The following COX14 variants were observed in gnomAD, a reference collection of about 807,000 sequenced individuals.
COX14 encodes cytochrome c oxidase assembly factor COX14, also known as cytochrome c oxidase assembly protein COX14.
COX14 carries 3 observed loss-of-function variants against 5.8 expected under a neutral mutation model. The ratio of observed to expected loss-of-function variants is 0.51; its 90% CI spans 0.23 to 1.33. The LOEUF is 1.33. COX14 is among the 40% of genes most tolerant of loss of function. The probability of loss-of-function intolerance (pLI) is 0.18; values close to 1 mark genes in which losing one functional copy is unlikely to be tolerated. For synonymous variants in COX14, 25 were observed against 26.1 expected (o/e 0.96, Z 0.13); for missense variants, 72 against 72.1 (o/e 1.00, Z 0.01).
At position 50,120,024 on chromosome 12, in the gene COX14, C is replaced by A; in HGVS notation, c.-8-12C>A. The A allele has an allele frequency of 6.2e-7, 1 of 1,611,716 alleles. No homozygotes were observed. Among genetic ancestry groups the A allele is most frequent in the Non-Finnish European group, 8.5e-7 (1 of 1,177,848 alleles). On this transcript the variant is annotated splice_polypyrimidine_tract_variant and intron_variant, in intron 1 of 1. Transcript: ENST00000550487. ...CCTTATCCTCAGGTCTAAATTCAAT[C>A]TGTCTTTGTAGGGGACAAGATGCCA...
rs200930245 is a variant in COX14, at chr12:50,117,012, T to C, written c.-8-3024T>C. On this transcript the variant is annotated intron_variant, in intron 1 of 1. Transcript: ENST00000550487. ...AGCGAATCCTGAGCTTTACTTTCAA[T>C]TTTTTTTTGTTTTTTGAGACAGGGT... Among the ~76,000 whole-genome samples the C allele has an allele frequency of 1.5e-4, 23 of 151,474 alleles. No individual in the cohort carries two copies. The East Asian group carries it at 3.9e-3, about 26-fold the overall frequency.
At position 50,112,475 on chromosome 12, in the gene COX14, G is replaced by T. The variant is rs1269559776; in HGVS notation, c.-9+174G>T. ...GCGAGCTGCACTGCTTCCTGCCCAA[G>T]CCCAAGCTCCTCGCAGCAGTAGGTC... is the stretch of plus-strand genomic sequence containing the variant. On this transcript the variant is annotated intron_variant, in intron 1 of 1. Transcript: ENST00000550487. The T allele has an allele frequency of 6.1e-6, 6 of 985,788 alleles. No homozygotes were observed. In the East Asian group the frequency reaches 5.7e-4, roughly 93 times the overall value. 61.1% of individuals were successfully genotyped at this position (985,788 alleles called of 1,614,324 possible).
At chr12:50,118,261 G>A (rs1951100529) in intron 1 of COX14, among the ~76,000 whole-genome samples, 1 of 133,594 alleles carries the variant, frequency 7.5e-6, no homozygotes, top group African/African-American at 2.8e-5. Flanking sequence ...TTGCCAGGCT[G>A]GTCTCGAACT....
chr12:50,114,550 C>T (rs1377471315), intron 1 of COX14, among the ~76,000 whole-genome samples: 1 of 151,974 alleles, frequency 6.6e-6, no homozygotes, highest in Non-Finnish European at 1.5e-5. Context: ...CTGCGCCGGG[C>T]CTTGGAATTT....
rs1279234483 is a variant in COX14, at chr12:50,115,559, C to CT, written c.-9+3271dup. 5.0e-3 allele frequency among the ~76,000 whole-genome samples: 720 copies of CT among 143,160 alleles called. 8 individuals are homozygous for CT. The highest frequency in any genetic ancestry group is 0.014 in the African/African-American group (567 of 39,266). The allele number at this position is 143,160 out of a possible 152,430, so 93.9% of individuals were successfully genotyped here. On this transcript the variant is annotated intron_variant, in intron 1 of 1. Transcript: ENST00000550487. ...TGTTCAAGCCCAGCTCATGATCCTCCTTTTTTTTTTTTTGAGACAGGGTCT... is the reference window on the plus strand; with the variant it reads ...TGTTCAAGCCCAGCTCATGATCCTCCTTTTTTTTTTTTTTGAGACAGGGTCT...
chr12:50,114,753 T>C lies in COX14; in HGVS notation c.-9+2452T>C, dbSNP rs775924477. On this transcript the variant is annotated intron_variant, in intron 1 of 1. Coordinates refer to ENST00000550487, the MANE Select transcript of COX14 (RefSeq NM_032901.4). ...CCTGATAGACATCATCACATGAATG[T>C]TGTGTTGAGTATCTTAATTTTTTTT... is the stretch of plus-strand genomic sequence containing the variant. Among the ~76,000 whole-genome samples the C allele has an allele frequency of 1.1e-3, 170 of 150,638 alleles. 2 individuals are homozygous for C. Among genetic ancestry groups the C allele is most frequent in the Non-Finnish European group, 1.4e-3 (96 of 67,752 alleles).
intron 1 of COX14, among the ~76,000 whole-genome samples, chr12:50,113,258 T>A (rs1262233179): frequency 1.3e-5 from 2 of 151,638 alleles, no homozygotes; most frequent in African/African-American, 2.4e-5. Context: ...CACTATGCAG[T>A]GTATGCATGT....
chr12:50,112,435 G>A (rs1951033700), intron 1 of COX14, 134 bp downstream of exon 1: 1 of 985,836 alleles, frequency 1.0e-6, no homozygotes, highest in South Asian at 4.7e-5. Context: ...ACCCGCTTCT[G>A]TTGCGTTGCG....
chr12:50,115,960 C>T (rs1951077315), intron 1 of COX14, among the ~76,000 whole-genome samples: 1 of 152,190 alleles, frequency 6.6e-6, no homozygotes, highest in Non-Finnish European at 1.5e-5. Context: ...AGTTTCCTAA[C>T]TTGGAGGTAT....
chr12:50,117,948 T>G (rs1310687976), intron 1 of COX14, among the ~76,000 whole-genome samples: 1 of 152,012 alleles, frequency 6.6e-6, no homozygotes, highest in Non-Finnish European at 1.5e-5. Flanking sequence ...TTTCACCATG[T>G]TGGCCAGGAT....
chr12:50,114,717 A>G (rs897017796), intron 1 of COX14, among the ~76,000 whole-genome samples: 13 of 128,538 alleles, frequency 1.0e-4, no homozygotes, highest in Non-Finnish European at 1.6e-4. Context: ...CTAAATTTGT[A>G]TTTCCATCTG....
At chr12:50,112,614 T>TA in intron 1 of COX14, 1 of 333,672 alleles carries the variant, frequency 3.0e-6, no homozygotes, top group Non-Finnish European at 4.3e-6. Context: ...TGCGTCCTGA[T>TA]AAGTGGCTCT....
At chr12:50,118,172 G>A (rs149448705) in intron 1 of COX14, among the ~76,000 whole-genome samples, 4 of 151,184 alleles carry the variant, frequency 2.6e-5, no homozygotes, top group Admixed American at 1.3e-4. Flanking sequence ...TTAGCCTCTC[G>A]AGTAGCTGGG....
At chr12:50,118,760 C>T (rs920371642) in intron 1 of COX14, among the ~76,000 whole-genome samples, 1 of 152,094 alleles carries the variant, frequency 6.6e-6, no homozygotes, top group South Asian at 2.1e-4. Context: ...GAGTGAGACT[C>T]CGTCTCAAAA....
chr12:50,119,948 G>A (rs1370781955), intron 1 of COX14, 88 bp from the exon 2 acceptor site: 1 of 1,034,132 alleles, frequency 9.7e-7, no homozygotes, highest in Non-Finnish European at 1.5e-6. Flanking sequence ...CAAGCAGGAT[G>A]CAGAAGTTAT....
At chr12:50,115,576 A>G (rs1200246524) in intron 1 of COX14, among the ~76,000 whole-genome samples, 2 of 145,548 alleles carry the variant, frequency 1.4e-5, no homozygotes, top group African/African-American at 5.1e-5. Context: ...TTTTTTTGAG[A>G]CAGGGTCTCC....
At chr12:50,114,509 C>T (rs1951061134) in intron 1 of COX14, among the ~76,000 whole-genome samples, 1 of 152,206 alleles carries the variant, frequency 6.6e-6, no homozygotes, top group Admixed American at 6.5e-5. Context: ...TCCTCGGCTT[C>T]CCAAAGTGCT....
rs1273252450 is a variant in COX14, at chr12:50,120,449, G to A, written c.*232G>A. The A allele has an allele frequency of 6.4e-6, 3 of 471,402 alleles. No homozygotes were observed. Among genetic ancestry groups the A allele is most frequent in the East Asian group, 4.0e-5 (1 of 25,274 alleles). 29.2% of individuals were successfully genotyped at this position (471,402 alleles called of 1,614,324 possible). Reference sequence around the variant, plus strand: ...ACCTACAGACATTAAATAATTTGCTGTGTCTGTGTCTTGGTGTTTTTTGTT... The same window carrying A: ...ACCTACAGACATTAAATAATTTGCTATGTCTGTGTCTTGGTGTTTTTTGTT... On this transcript the variant is annotated 3_prime_UTR_variant, in exon 2 of 2. Coordinates refer to ENST00000550487, the MANE Select transcript of COX14 (RefSeq NM_032901.4).
At chr12:50,119,688 C>G (rs1347360933) in intron 1 of COX14, among the ~76,000 whole-genome samples, 2 of 152,198 alleles carry the variant, frequency 1.3e-5, no homozygotes, top group Non-Finnish European at 2.9e-5. Flanking sequence ...GAGTGAGAAC[C>G]TGTCTCAAAA....
Sources: allele counts gnomAD v4.1 joint callset (sites outside exome capture counted in the v4.1 genomes callset), GRCh38; gene constraint gnomAD v4.1.1; transcripts MANE v1.5; gene names NCBI Gene and HGNC (gene_info 2026-07-23, HGNC 2026-07-21).